The following CERS6 variants were observed in gnomAD, a reference collection of about 807,000 sequenced individuals.
The protein encoded by CERS6 is ceramide synthase 6.
Under a neutral mutation model 56.8 loss-of-function variants are expected in CERS6, and 26 were observed. The observed-to-expected ratio is 0.46, with a 90% CI of 0.34 to 0.63. CERS6 has a LOEUF of 0.63. Among genes scored for constraint, CERS6 ranks in the 30% least tolerant of loss-of-function variants. The pLI, the probability that CERS6 is intolerant of heterozygous loss-of-function variation, is 0.01. For missense variants in CERS6, 415 were observed against 467.5 expected (o/e 0.89, Z 1.04); for synonymous variants, 164 against 173.3 (o/e 0.95, Z 0.42).
At chr2:168,511,764 TAC>T (rs1694791061) in intron 1 of CERS6, among the ~76,000 whole-genome samples, 2 of 152,248 alleles carry the variant, frequency 1.3e-5, no homozygotes, top group African/African-American at 2.4e-5. Context: ...ATAATTTACA[TAC>T]AGTTATTCAT....
At chr2:168,520,969 C>G (rs1694967826) in intron 1 of CERS6, among the ~76,000 whole-genome samples, 1 of 152,102 alleles carries the variant, frequency 6.6e-6, no homozygotes, top group South Asian at 2.1e-4. Flanking sequence ...CTCTTCTCCT[C>G]CCTGCAACAT....
chr2:168,766,635 A>G (rs1256484622), intron 9 of CERS6, among the ~76,000 whole-genome samples: 1 of 152,234 alleles, frequency 6.6e-6, no homozygotes, highest in Non-Finnish European at 1.5e-5. Context: ...CTTGCCAGGT[A>G]CTTGCCAGGT....
chr2:168,739,467 A>T (rs1057027718), intron 8 of CERS6, among the ~76,000 whole-genome samples: 1 of 152,016 alleles, frequency 6.6e-6, no homozygotes, highest in Admixed American at 6.6e-5. Context: ...AAAATTCCTA[A>T]ATTTACCATG....
At chr2:168,660,260 G>A (rs1388007877) in intron 4 of CERS6, among the ~76,000 whole-genome samples, 1 of 152,130 alleles carries the variant, frequency 6.6e-6, no homozygotes, top group East Asian at 1.9e-4. Context: ...CTAAAACCTA[G>A]CTTTACCTCC....
intron 8 of CERS6, among the ~76,000 whole-genome samples, chr2:168,733,193 A>G (rs1158074174): frequency 6.6e-6 from 1 of 152,196 alleles, no homozygotes; most frequent in African/African-American, 2.4e-5. Context: ...AAACAGCTTC[A>G]TTGCATTTAC....
intron 3 of CERS6, among the ~76,000 whole-genome samples, chr2:168,565,483 G>A (rs1021890241): frequency 5.9e-5 from 9 of 152,158 alleles, no homozygotes; most frequent in East Asian, 1.9e-4. Context: ...TTTGGAGCTC[G>A]TTGCCTGAGG....
chr2:168,536,751 A>T (rs1409380687), intron 1 of CERS6, among the ~76,000 whole-genome samples: 1 of 152,140 alleles, frequency 6.6e-6, no homozygotes, highest in Non-Finnish European at 1.5e-5. Flanking sequence ...ATAAAGAAAG[A>T]TCTGGTAGCA....
At chr2:168,698,174 G>A (rs1310702124) in intron 6 of CERS6, among the ~76,000 whole-genome samples, 1 of 135,440 alleles carries the variant, frequency 7.4e-6, no homozygotes, top group African/African-American at 2.7e-5. Flanking sequence ...TGTGCACCAA[G>A]TGAGCCAAGA....
Position 168,627,260 on chromosome 2 carries a change from A to G in CERS6, c.408-3725A>G, listed in dbSNP as rs114844262. On this transcript the variant is annotated intron_variant, in intron 3 of 9. Transcript: ENST00000305747. ...AAAAACAAGAGCATTTAATTTGGCA[A>G]TGAAATTTAGGGCAATGATTTATGT... 1.7e-3 allele frequency among the ~76,000 whole-genome samples: 266 copies of G among 152,328 alleles called. 2 individuals are homozygous for G. Among genetic ancestry groups the G allele is most frequent in the African/African-American group, 5.9e-3 (244 of 41,586 alleles).
intron 4 of CERS6, among the ~76,000 whole-genome samples, chr2:168,642,099 G>A (rs1685065962): frequency 7.2e-6 from 1 of 138,312 alleles, no homozygotes; most frequent in Non-Finnish European, 1.5e-5. Context: ...TAGGCAGGGG[G>A]CAGTGGCACA....
At position 168,771,056 on chromosome 2, in the gene CERS6, G is replaced by A. The variant is rs1400515869; in HGVS notation, c.*1394G>A. The A allele has an allele frequency of 6.6e-6, 1 of 152,058 alleles. No homozygotes were observed. Among genetic ancestry groups the A allele is most frequent in the African/African-American group, 2.4e-5 (1 of 41,412 alleles). 9.4% of individuals were successfully genotyped at this position (152,058 alleles called of 1,614,324 possible). A position where few individuals can be genotyped will look rare whatever the true frequency, so the allele number is the denominator to read the frequency against. ...CTCTTCTTCTAACTTTTAGTAAGAG[G>A]AAAAAGGGATTATAAAACCCTTCAT... On this transcript the variant is annotated 3_prime_UTR_variant, in exon 10 of 10. Coordinates refer to ENST00000305747, the MANE Select transcript of CERS6 (RefSeq NM_203463.3).
intron 6 of CERS6, among the ~76,000 whole-genome samples, chr2:168,701,115 G>T (rs965899960): frequency 2.6e-5 from 4 of 152,170 alleles, no homozygotes; most frequent in Admixed American, 2.0e-4. Context: ...GTCAGCCTGG[G>T]TTTCTTAGTG....
chr2:168,518,353 A>G (rs371707256), intron 1 of CERS6, among the ~76,000 whole-genome samples: 6 of 152,358 alleles, frequency 3.9e-5, no homozygotes, highest in South Asian at 4.1e-4. Flanking sequence ...AACTACTTAT[A>G]TAGGAAGATA....
At chr2:168,617,949 A>G (rs1684358639) in intron 3 of CERS6, among the ~76,000 whole-genome samples, 1 of 152,208 alleles carries the variant, frequency 6.6e-6, no homozygotes, top group African/African-American at 2.4e-5. Flanking sequence ...CTACAGACCA[A>G]TATCCCTGAT....
intron 3 of CERS6, among the ~76,000 whole-genome samples, chr2:168,587,889 G>A (rs954556468): frequency 1.3e-5 from 2 of 151,706 alleles, no homozygotes; most frequent in African/African-American, 4.8e-5. Context: ...AATTTATTGC[G>A]CTCCTGCTCT....
chr2:168,675,695 C>CT (rs1235748692), intron 4 of CERS6, among the ~76,000 whole-genome samples: 33 of 150,784 alleles, frequency 2.2e-4, no homozygotes, highest in South Asian at 6.3e-4. Context: ...TATTTTGTTT[C>CT]TTTTTTTTAT....
At chr2:168,607,791 AC>A (rs1684088461) in intron 3 of CERS6, among the ~76,000 whole-genome samples, 1 of 152,252 alleles carries the variant, frequency 6.6e-6, no homozygotes, top group African/African-American at 2.4e-5. Flanking sequence ...AGTAGTCATT[AC>A]AATATATTTT....
chr2:168,495,133 CAT>C (rs1041210444), intron 1 of CERS6, among the ~76,000 whole-genome samples: 2 of 152,130 alleles, frequency 1.3e-5, no homozygotes, highest in Non-Finnish European at 2.9e-5. Context: ...TCATTGGGAA[CAT>C]ATTAACCAAG....
chr2:168,719,394 T>C (rs1687305494), intron 8 of CERS6, among the ~76,000 whole-genome samples: 1 of 152,216 alleles, frequency 6.6e-6, no homozygotes, highest in Non-Finnish European at 1.5e-5. Flanking sequence ...ATAGCAGATA[T>C]ATTTGTGTGT....
Sources: gnomAD v4.1 joint callset for allele counts (sites outside exome capture counted in the v4.1 genomes callset) on GRCh38, gnomAD v4.1.1 for gene constraint, MANE v1.5 for transcripts, NCBI Gene and HGNC (gene_info 2026-07-23, HGNC 2026-07-21) for gene names.